PLCXD3: variants seen among roughly 807,000 people sequenced by gnomAD.
PLCXD3 encodes the protein PI-PLC X domain-containing protein 3.
A neutral mutation model predicts 25.5 loss-of-function variants in PLCXD3; 19 were observed. The ratio of observed to expected loss-of-function variants is 0.75; its 90% CI spans 0.52 to 1.09. PLCXD3 has a LOEUF of 1.09. Among genes scored for constraint, PLCXD3 ranks in the 50% least tolerant of loss-of-function variants. PLCXD3 has a pLI of 0.00. For synonymous variants in PLCXD3, 174 were observed against 137.6 expected, an observed-to-expected ratio of 1.26 and a Z score of -1.85; for missense variants, 411 against 388.1, an observed-to-expected ratio of 1.06 and a Z score of -0.50.
chr5:41,364,107 G>T (rs1024295222), intron 2 of PLCXD3, among the ~76,000 whole-genome samples: 1 of 152,058 alleles, frequency 6.6e-6, no homozygotes. Context: ...AGGGCATTTG[G>T]CAATAACTGG....
intron 1 of PLCXD3, among the ~76,000 whole-genome samples, chr5:41,384,397 G>T (rs1353229711): frequency 1.3e-5 from 2 of 151,904 alleles, no homozygotes; most frequent in Non-Finnish European, 2.9e-5. Context: ...AGTTTAAGAA[G>T]AATTATGATT....
chr5:41,450,247 T>A (rs1163713923), intron 1 of PLCXD3, among the ~76,000 whole-genome samples: 1 of 152,102 alleles, frequency 6.6e-6, no homozygotes, highest in Non-Finnish European at 1.5e-5. Context: ...ACCTGCTGAT[T>A]TTCTTGCAAG....
At chr5:41,320,332 T>G (rs767484604) in intron 2 of PLCXD3, among the ~76,000 whole-genome samples, 10 of 151,994 alleles carry the variant, frequency 6.6e-5, no homozygotes, top group Non-Finnish European at 1.5e-4. Context: ...ACAACAACTA[T>G]AAGCCAATAT....
At chr5:41,376,787 C>A (rs191991235) in intron 2 of PLCXD3, among the ~76,000 whole-genome samples, 41 of 152,202 alleles carry the variant, frequency 2.7e-4, no homozygotes, top group African/African-American at 9.6e-4. Context: ...CCACTTGATG[C>A]TTGATGGGAA....
At chr5:41,456,006 G>A in intron 1 of PLCXD3, among the ~76,000 whole-genome samples, 1 of 151,864 alleles carries the variant, frequency 6.6e-6, no homozygotes, top group Non-Finnish European at 1.5e-5. Context: ...TGGTAGTATG[G>A]TACAGTGATA....
At chr5:41,504,221 G>A (rs1749011540) in intron 1 of PLCXD3, among the ~76,000 whole-genome samples, 1 of 152,130 alleles carries the variant, frequency 6.6e-6, no homozygotes, top group African/African-American at 2.4e-5. Context: ...GCACCCACTG[G>A]AAGTTTACTT....
At chr5:41,430,184 T>C (rs1235342486) in intron 1 of PLCXD3, among the ~76,000 whole-genome samples, 1 of 152,188 alleles carries the variant, frequency 6.6e-6, no homozygotes, top group Non-Finnish European at 1.5e-5. Context: ...AGTTATTAAT[T>C]GAATGAGTTT....
intron 1 of PLCXD3, among the ~76,000 whole-genome samples, chr5:41,403,411 T>TTTTTTTTGTTTTTG (rs1554047977): frequency 2.9e-4 from 11 of 38,338 alleles, no homozygotes; most frequent in Admixed American, 1.3e-3. Flanking sequence ...GTTTTTTTTT[T>TTTTTTTTGTTTTTG]TTTTTATTAT....
intron 1 of PLCXD3, among the ~76,000 whole-genome samples, chr5:41,428,763 C>T (rs1405560449): frequency 6.6e-6 from 1 of 152,082 alleles, no homozygotes; most frequent in Non-Finnish European, 1.5e-5. Context: ...ACCTCATTAA[C>T]ATTTAGTGCA....
chr5:41,313,319 A>T lies in PLCXD3; in HGVS notation c.*298T>A. 6.5e-6 allele frequency: 2 copies of T among 305,962 alleles called. No individual in the cohort carries two copies. The highest frequency in any genetic ancestry group is 7.5e-5 in the South Asian group (2 of 26,540). 19.0% of individuals were successfully genotyped at this position (305,962 alleles called of 1,614,324 possible). On this transcript the variant is annotated 3_prime_UTR_variant, in exon 3 of 3. Coordinates refer to ENST00000377801, the MANE Select transcript of PLCXD3 (RefSeq NM_001005473.3). ...GGAAATAGAGAACCTAATCAAGTAA[A>T]CACTCATGAATTCTATGTTACAAAG...
intron 1 of PLCXD3, among the ~76,000 whole-genome samples, chr5:41,418,866 A>G (rs566450994): frequency 2.0e-4 from 31 of 152,316 alleles, no homozygotes; most frequent in Middle Eastern, 3.4e-3. Flanking sequence ...CAATGAAATT[A>G]TGATCTGTTC....
At chr5:41,322,559 A>G (rs936889568) in intron 2 of PLCXD3, among the ~76,000 whole-genome samples, 1 of 152,240 alleles carries the variant, frequency 6.6e-6, no homozygotes, top group African/African-American at 2.4e-5. Context: ...ACTGCTGGGT[A>G]TATACACAAA....
chr5:41,374,687 G>A (rs544398189), intron 2 of PLCXD3, among the ~76,000 whole-genome samples: 4 of 152,142 alleles, frequency 2.6e-5, no homozygotes, highest in Non-Finnish European at 4.4e-5. Flanking sequence ...TTGGAACACT[G>A]GCTTTCCATA....
At chr5:41,452,096 A>C (rs1747646066) in intron 1 of PLCXD3, among the ~76,000 whole-genome samples, 1 of 152,060 alleles carries the variant, frequency 6.6e-6, no homozygotes, top group Non-Finnish European at 1.5e-5. Flanking sequence ...TGGTGAAAGC[A>C]GACTGAACAG....
At chr5:41,435,819 A>G (rs1396144762) in intron 1 of PLCXD3, among the ~76,000 whole-genome samples, 1 of 152,268 alleles carries the variant, frequency 6.6e-6, no homozygotes, top group African/African-American at 2.4e-5. Flanking sequence ...TTCAGAGTTT[A>G]GCAAAGAATG....
chr5:41,329,909 T>A (rs530377933), intron 2 of PLCXD3, among the ~76,000 whole-genome samples: 1 of 151,300 alleles, frequency 6.6e-6, no homozygotes, highest in South Asian at 2.1e-4. Context: ...AAATTCTTTT[T>A]TAAGTATATG....
intron 1 of PLCXD3, among the ~76,000 whole-genome samples, chr5:41,421,402 T>C (rs1746818764): frequency 1.3e-5 from 2 of 152,116 alleles, no homozygotes; most frequent in Admixed American, 1.3e-4. Flanking sequence ...TAGCAGATCC[T>C]TAAAAAATAC....
intron 1 of PLCXD3, among the ~76,000 whole-genome samples, chr5:41,426,241 A>G (rs1561269935): frequency 6.6e-6 from 1 of 151,774 alleles, no homozygotes. Flanking sequence ...TTTCATCTGT[A>G]TAGTTTCTTT....
chr5:41,335,126 A>G (rs1743943340), intron 2 of PLCXD3, among the ~76,000 whole-genome samples: 1 of 152,160 alleles, frequency 6.6e-6, no homozygotes, highest in Non-Finnish European at 1.5e-5. Flanking sequence ...GTGCAAATGC[A>G]CGGGGAATTT....
Sources: allele counts gnomAD v4.1 joint callset (sites outside exome capture counted in the v4.1 genomes callset), GRCh38; gene constraint gnomAD v4.1.1; transcripts MANE v1.5; gene names NCBI Gene and HGNC (gene_info 2026-07-23, HGNC 2026-07-21).